The following CSMD3 variants were observed in gnomAD, a reference collection of about 807,000 sequenced individuals.
CSMD3 encodes the protein CUB and Sushi multiple domains 3.
Under a neutral mutation model 435.2 loss-of-function variants are expected in CSMD3, and 177 were observed. That is an observed-to-expected ratio of 0.41 (90% CI 0.36 to 0.46). CSMD3 has a LOEUF of 0.46. Among genes scored for constraint, CSMD3 ranks in the 20% least tolerant of loss-of-function variants. The probability of loss-of-function intolerance (pLI) is 0.34; values close to 1 mark genes in which losing one functional copy is unlikely to be tolerated. For synonymous variants in CSMD3, 1,656 were observed against 1,520.5 expected, an observed-to-expected ratio of 1.09 and a Z score of -2.07; for missense variants, 4,265 against 4,504.6, an observed-to-expected ratio of 0.95 and a Z score of 1.52.
At chr8:113,244,061 T>A (rs547096162) in intron 3 of CSMD3, among the ~76,000 whole-genome samples, 4 of 152,320 alleles carry the variant, frequency 2.6e-5, no homozygotes, top group Admixed American at 2.6e-4. Flanking sequence ...ATTATGTATC[T>A]TCTCCAATAC....
At chr8:112,417,957 T>C (rs1225849540) in intron 32 of CSMD3, among the ~76,000 whole-genome samples, 2 of 152,162 alleles carry the variant, frequency 1.3e-5, no homozygotes, top group African/African-American at 2.4e-5. Context: ...ATCTACACAT[T>C]GTTTTGTATT....
intron 28 of CSMD3, among the ~76,000 whole-genome samples, chr8:112,513,726 G>T: frequency 6.6e-6 from 1 of 152,140 alleles, no homozygotes; most frequent in East Asian, 1.9e-4. Context: ...GCAATAAAGT[G>T]AACTGTAATA....
At chr8:112,904,200 T>A (rs746885772) in intron 10 of CSMD3, among the ~76,000 whole-genome samples, 3 of 151,418 alleles carry the variant, frequency 2.0e-5, no homozygotes, top group Non-Finnish European at 4.4e-5. Flanking sequence ...TAAAAGACAT[T>A]CAAGATCTAT....
intron 5 of CSMD3, among the ~76,000 whole-genome samples, chr8:113,054,953 C>A (rs1048084110): frequency 2.0e-5 from 3 of 152,128 alleles, no homozygotes; most frequent in Non-Finnish European, 1.5e-5. Context: ...TCTGTAAGAA[C>A]CTCCCTGACT....
chr8:113,007,426 T>C (rs762136909), intron 6 of CSMD3, among the ~76,000 whole-genome samples: 12 of 151,848 alleles, frequency 7.9e-5, no homozygotes, highest in Non-Finnish European at 1.6e-4. Flanking sequence ...AATTTGGACA[T>C]AGAGAGCAAG....
At position 112,528,149 on chromosome 8, in the gene CSMD3, A is replaced by C. The variant is rs531885980; in HGVS notation, c.4565-10924T>G. On this transcript the variant is annotated intron_variant, in intron 27 of 70. Transcript: ENST00000297405. ...ATCACCACTTTTTAAAAAAATTTTA[A>C]TTGAGTTTTTTTGTAATTAGTGTGC... Among the ~76,000 whole-genome samples the C allele has an allele frequency of 2.6e-5, 4 of 152,244 alleles. No homozygotes were observed. The South Asian group carries it at 8.3e-4, about 32-fold the overall frequency.
intron 13 of CSMD3, among the ~76,000 whole-genome samples, chr8:112,794,539 C>A (rs993576997): frequency 6.6e-6 from 1 of 151,952 alleles, no homozygotes; most frequent in Admixed American, 6.6e-5. Flanking sequence ...AGATGATCCA[C>A]CCACCTCGGC....
Position 112,390,665 on chromosome 8 carries a change from T to A in CSMD3, c.5933A>T (p.Gln1978Leu). 1 of 1,611,984 alleles carries A rather than the reference T, an allele frequency of 6.2e-7. No homozygotes were observed. Among genetic ancestry groups the A allele is most frequent in the Non-Finnish European group, 8.5e-7 (1 of 1,178,080 alleles). ...GAAGAAAAACTTAAATATTCTTACT[T>A]GAATGCCAGCTCCCTCTGGCACTGT... ...KITVPEGAGI[Q>L]VQVVSFATEH... Residue 1978 changes from glutamine to leucine, a missense_variant and splice_region_variant, in exon 36 of 71, where the codon CAA becomes CTA. By Grantham distance (113) the Gln-to-Leu change is moderately radical. Coordinates refer to ENST00000297405, the MANE Select transcript of CSMD3 (RefSeq NM_198123.2).
chr8:112,401,645 C>A (rs1831352517), intron 35 of CSMD3, among the ~76,000 whole-genome samples: 1 of 152,152 alleles, frequency 6.6e-6, no homozygotes, highest in Non-Finnish European at 1.5e-5. Context: ...ACTCCTCAAC[C>A]ATTTGACCTG....
At chr8:112,236,504 A>G (rs114528982) in intron 67 of CSMD3, among the ~76,000 whole-genome samples, 1,692 of 152,246 alleles carry the variant, frequency 0.011, 31 homozygotes, top group African/African-American at 0.039. Flanking sequence ...ATATAATTTC[A>G]AATATTGTAA....
At chr8:112,761,037 A>G (rs2077825512) in intron 13 of CSMD3, among the ~76,000 whole-genome samples, 1 of 152,198 alleles carries the variant, frequency 6.6e-6, no homozygotes, top group South Asian at 2.1e-4. Flanking sequence ...CTGAAGACTG[A>G]TTAAGAGTTC....
intron 13 of CSMD3, among the ~76,000 whole-genome samples, chr8:112,731,179 T>C (rs1486651122): frequency 2.6e-5 from 4 of 151,086 alleles, no homozygotes; most frequent in Non-Finnish European, 5.9e-5. Context: ...CACATCAATG[T>C]TGCTGATAAT....
At chr8:112,478,148 A>G (rs1024556753) in intron 31 of CSMD3, among the ~76,000 whole-genome samples, 3 of 152,158 alleles carry the variant, frequency 2.0e-5, no homozygotes, top group East Asian at 3.9e-4. Context: ...ATGTGGAACT[A>G]TAAGTCCAAT....
intron 3 of CSMD3, among the ~76,000 whole-genome samples, chr8:113,202,021 GA>G (rs1254983108): frequency 6.6e-6 from 1 of 151,994 alleles, no homozygotes; most frequent in African/African-American, 2.4e-5. Flanking sequence ...CAAAGCTGGA[GA>G]AAAGTAAAGT....
intron 61 of CSMD3, among the ~76,000 whole-genome samples, chr8:112,259,430 G>A (rs1816171197): frequency 6.6e-6 from 1 of 152,046 alleles, no homozygotes; most frequent in Admixed American, 6.5e-5. Flanking sequence ...TCACACACTG[G>A]GGCCTGTCAG....
At chr8:113,286,113 C>T (rs1001844536) in intron 2 of CSMD3, among the ~76,000 whole-genome samples, 2 of 152,016 alleles carry the variant, frequency 1.3e-5, no homozygotes, top group African/African-American at 2.4e-5. Context: ...CACCTCCAAC[C>T]CCATCTTAGC....
intron 37 of CSMD3, 25 bp from the exon 38 acceptor site, chr8:112,380,481 G>A: frequency 8.9e-7 from 1 of 1,124,226 alleles, no homozygotes; most frequent in Non-Finnish European, 1.4e-6. Flanking sequence ...GAGAAGGCAA[G>A]ACAATGACCA....
At position 112,318,889 on chromosome 8, in the gene CSMD3, C is replaced by T. The variant is rs371684642; in HGVS notation, c.7308G>A (p.Thr2436=). The T allele has an allele frequency of 4.5e-5, 73 of 1,612,490 alleles. 1 individual carries two copies. The highest frequency in any genetic ancestry group is 9.4e-5 in the African/African-American group (7 of 74,834). Residue 2436 remains threonine (T), a synonymous_variant, in exon 47 of 71, where the codon ACG becomes ACA. Coordinates refer to ENST00000297405, the MANE Select transcript of CSMD3 (RefSeq NM_198123.2). The part of the protein sequence containing the change: ...GFTLVGNAIL[T]CRLGERLQMD... ...TCTGCAGTCGTTCTCCTAATCTGCACGTCAGAATTGCATTACCAACTAAAG... is the reference window on the plus strand; with the variant it reads ...TCTGCAGTCGTTCTCCTAATCTGCATGTCAGAATTGCATTACCAACTAAAG...
At chr8:112,425,131 C>T (rs1403319758) in intron 32 of CSMD3, among the ~76,000 whole-genome samples, 1 of 152,092 alleles carries the variant, frequency 6.6e-6, no homozygotes, top group Non-Finnish European at 1.5e-5. Context: ...CTAGTAATAA[C>T]CATTAATCAA....
Sources: allele counts gnomAD v4.1 joint callset (sites outside exome capture counted in the v4.1 genomes callset), GRCh38; gene constraint gnomAD v4.1.1; transcripts MANE v1.5; gene names NCBI Gene and HGNC (gene_info 2026-07-23, HGNC 2026-07-21).